The following GRID1 variants were observed in gnomAD, a reference collection of about 807,000 sequenced individuals.
GRID1 encodes glutamate ionotropic receptor delta type subunit 1, also known as glutamate receptor ionotropic, delta-1.
A neutral mutation model predicts 98.0 loss-of-function variants in GRID1; 28 were observed. The ratio of observed to expected loss-of-function variants is 0.29; its 90% confidence interval spans 0.21 to 0.39. The LOEUF (loss-of-function observed/expected upper bound fraction) is 0.39. Among genes scored for constraint, GRID1 ranks in the 10% least tolerant of loss-of-function variants. GRID1 has a pLI of 1.00. For missense variants in GRID1, 1,111 were observed against 1,340.5 expected (o/e 0.83, Z 2.67); for synonymous variants, 553 against 538.5 (o/e 1.03, Z -0.37).
intron 12 of GRID1, among the ~76,000 whole-genome samples, chr10:85,678,228 C>G (rs1841167449): frequency 6.6e-6 from 1 of 152,126 alleles, no homozygotes; most frequent in Non-Finnish European, 1.5e-5. Flanking sequence ...GGAATGATCA[C>G]CTTCCTGCTC....
At chr10:86,038,266 TG>T (rs1455834269) in intron 4 of GRID1, among the ~76,000 whole-genome samples, 2 of 152,142 alleles carry the variant, frequency 1.3e-5, no homozygotes, top group African/African-American at 4.8e-5. Context: ...AAGCTATCAG[TG>T]TAATGTCTCC....
At position 86,206,260 on chromosome 10, in the gene GRID1, C is replaced by T; in HGVS notation, c.520+104G>A. ...CTATCACCTGGAGGCCCACTCAGCA[C>T]AGACCACCCCTGACCGGTCCAGGGC... On this transcript the variant is annotated intron_variant, in intron 3 of 15. Transcript: ENST00000327946. This position sits in a 1 kb window ranked among gnomAD's most constrained non-coding sequence, Gnocchi z 4.1. 2 of 1,128,406 alleles carry T rather than the reference C, an allele frequency of 1.8e-6. No individual in the cohort carries two copies. The highest frequency in any genetic ancestry group is 1.6e-5 in the South Asian group (1 of 64,376). 69.9% of individuals were successfully genotyped at this position (1,128,406 alleles called of 1,614,324 possible).
At chr10:85,629,784 A>G (rs1346204475) in intron 13 of GRID1, among the ~76,000 whole-genome samples, 2 of 152,172 alleles carry the variant, frequency 1.3e-5, no homozygotes, top group Non-Finnish European at 2.9e-5. Context: ...GGAAATCTAC[A>G]TACTGTTTTC....
intron 2 of GRID1, among the ~76,000 whole-genome samples, chr10:86,297,447 C>T (rs1847610837): frequency 6.6e-6 from 1 of 152,248 alleles, no homozygotes; most frequent in Middle Eastern, 3.4e-3. Flanking sequence ...CACCTTTCCT[C>T]ACACATCAGA....
intron 14 of GRID1, 36 bp from the exon 15 acceptor site, chr10:85,613,683 A>G: frequency 6.3e-7 from 1 of 1,591,008 alleles, no homozygotes; most frequent in Admixed American, 1.7e-5. Context: ...ATAGCCACTG[A>G]CGTCATCAAC....
Position 86,138,820 on chromosome 10 carries a change from T to C in GRID1, c.725A>G (p.Glu242Gly). The stretch of plus-strand genomic sequence containing the variant: ...AGGCCTCAGGCCCCCATGACCTACC[T>C]CGTTGATGAAGGAGTGGGCTCCCTG... ...SPQGAHSFINEAVETNLASKD... is the reference protein window; with the variant it reads ...SPQGAHSFINGAVETNLASKD... Residue 242 changes from glutamate (E) to glycine (G), a missense_variant and splice_region_variant, in exon 4 of 16, where the codon GAG (glutamate) becomes GGG (glycine). Around this residue, in one of 3 missense-constraint regions of GRID1, gnomAD observed 346 missense variants for 452.3 expected, o/e 0.76. Coordinates refer to ENST00000327946, the MANE Select transcript of GRID1 (RefSeq NM_017551.3). 1.9e-6 allele frequency: 3 copies of C among 1,613,616 alleles called. No homozygotes were observed. The highest frequency in any genetic ancestry group is 2.5e-6 in the Non-Finnish European group (3 of 1,179,638).
intron 5 of GRID1, among the ~76,000 whole-genome samples, chr10:85,891,028 T>C (rs1841192977): frequency 6.6e-6 from 1 of 152,166 alleles, no homozygotes; most frequent in Admixed American, 6.6e-5. Flanking sequence ...AGCTGATCCT[T>C]CACAGTCCTC....
intron 2 of GRID1, among the ~76,000 whole-genome samples, chr10:86,282,957 A>G (rs994084222): frequency 6.6e-6 from 1 of 152,144 alleles, no homozygotes; most frequent in Non-Finnish European, 1.5e-5. Context: ...CCCCGGTGGC[A>G]TAAGGACCCT....
chr10:86,077,181 G>A lies in GRID1; in HGVS notation c.726+61638C>T, dbSNP rs375884202. Among the ~76,000 whole-genome samples the A allele has an allele frequency of 3.7e-3, 510 of 136,282 alleles. 24 individuals are homozygous for A. Among genetic ancestry groups the A allele is most frequent in the African/African-American group, 0.013 (484 of 36,594 alleles). The allele number at this position is 136,282 out of a possible 152,430, so 89.4% of individuals were successfully genotyped here. Reference sequence around the variant, plus strand: ...ACTCTCCTCCCAGGCCTCTCACTGTGGGGTGTCATGCTTAGTGAAGCTTGC... The same window carrying A: ...ACTCTCCTCCCAGGCCTCTCACTGTAGGGTGTCATGCTTAGTGAAGCTTGC... On this transcript the variant is annotated intron_variant, in intron 4 of 15. Transcript: ENST00000327946.
At chr10:85,648,651 A>C (rs1397814718) in intron 12 of GRID1, among the ~76,000 whole-genome samples, 1 of 152,098 alleles carries the variant, frequency 6.6e-6, no homozygotes, top group Non-Finnish European at 1.5e-5. Context: ...GAGAAATCCC[A>C]CACACTCCCC....
chr10:85,749,989 A>C (rs1880388), intron 8 of GRID1, among the ~76,000 whole-genome samples: 1,855 of 152,194 alleles, frequency 0.012, 14 homozygotes, highest in Non-Finnish European at 0.017. Context: ...TTTCTTGTCT[A>C]TCTCCCCTCA....
chr10:86,357,374 G>C (rs550809961), intron 2 of GRID1, among the ~76,000 whole-genome samples: 1 of 152,338 alleles, frequency 6.6e-6, no homozygotes, highest in African/African-American at 2.4e-5. Context: ...CTCAGAGGCA[G>C]TATGACCCGT....
intron 4 of GRID1, among the ~76,000 whole-genome samples, chr10:86,070,720 A>C (rs1467925899): frequency 6.6e-6 from 1 of 151,982 alleles, no homozygotes; most frequent in Admixed American, 6.5e-5. Context: ...ACATCCACCC[A>C]CTCATCTGTG....
intron 2 of GRID1, among the ~76,000 whole-genome samples, chr10:86,325,762 G>A (rs373153768): frequency 6.6e-6 from 1 of 152,196 alleles, no homozygotes; most frequent in South Asian, 2.1e-4. Flanking sequence ...GGTAAACTAG[G>A]GATCAAAAGT....
At chr10:86,182,451 C>T (rs1762344680) in intron 3 of GRID1, among the ~76,000 whole-genome samples, 1 of 152,226 alleles carries the variant, frequency 6.6e-6, no homozygotes, top group Non-Finnish European at 1.5e-5. Flanking sequence ...CTCGGGCATG[C>T]TAATTACCGT....
At chr10:86,063,307 AAC>A (rs1173682331) in intron 4 of GRID1, among the ~76,000 whole-genome samples, 2 of 152,238 alleles carry the variant, frequency 1.3e-5, no homozygotes, top group African/African-American at 4.8e-5. Flanking sequence ...GTGCTAGAGA[AAC>A]ATACGCCAGC....
Position 85,916,409 on chromosome 10 carries a change from A to T in GRID1, c.727-170T>A, listed in dbSNP as rs1841621189. Among the ~76,000 whole-genome samples, 2 of 152,200 alleles carry T rather than the reference A, an allele frequency of 1.3e-5. No individual in the cohort carries two copies. Among genetic ancestry groups the T allele is most frequent in the Admixed American group, 1.3e-4 (2 of 15,290 alleles). On this transcript the variant is annotated intron_variant, in intron 4 of 15. Coordinates refer to ENST00000327946, the MANE Select transcript of GRID1 (RefSeq NM_017551.3). The surrounding 1 kb of genome is among the most constrained non-coding windows in gnomAD (Gnocchi z 4.0). ...GGCTGCCTTAGCTGCAAGAAGCTTC[A>T]TCTGAACACAGACATCTGATTTCCT...
rs1043899652 is a variant in GRID1 at position 86,286,712 on chromosome 10, G to A, written c.235+77229C>T. 3.3e-5 allele frequency among the ~76,000 whole-genome samples: 5 copies of A among 152,210 alleles called. 1 individual carries two copies. The highest frequency in any genetic ancestry group is 9.7e-5 in the African/African-American group (4 of 41,444). Reference sequence around the variant, plus strand: ...ACCGTGAGGGAGTTACCTGCCTTCTGCACCTCACTTTCTCATCTGTAAAAT... The same window carrying A: ...ACCGTGAGGGAGTTACCTGCCTTCTACACCTCACTTTCTCATCTGTAAAAT... On this transcript the variant is annotated intron_variant, in intron 2 of 15. Transcript: ENST00000327946.
intron 4 of GRID1, among the ~76,000 whole-genome samples, chr10:85,963,352 C>A (rs1277997226): frequency 3.9e-5 from 6 of 152,166 alleles, no homozygotes; most frequent in Non-Finnish European, 7.3e-5. Flanking sequence ...TGACCATCAC[C>A]TCTCTGCCAA....
Sources: allele counts gnomAD v4.1 joint callset (sites outside exome capture counted in the v4.1 genomes callset), GRCh38; gene constraint gnomAD v4.1.1; regional missense constraint gnomAD v4.1.1; non-coding constraint Gnocchi (gnomAD v3.1); transcripts MANE v1.5; gene names NCBI Gene and HGNC (gene_info 2026-07-23, HGNC 2026-07-21).